Variants in DHX57 observed in about 807,000 individuals in gnomAD.
DHX57 encodes the protein DExH-box helicase 57.
DHX57 carries 105 observed loss-of-function variants against 156.2 expected under a neutral mutation model. The ratio of observed to expected loss-of-function variants is 0.67; its 90% CI spans 0.57 to 0.79. The LOEUF is 0.79. DHX57 is among the 30% of genes least tolerant of loss of function. The probability of loss-of-function intolerance (pLI) is 0.00; values close to 1 mark genes in which losing one functional copy is unlikely to be tolerated. For synonymous variants in DHX57, 704 were observed against 595.6 expected, an observed-to-expected ratio of 1.18 and a Z score of -2.65; for missense variants, 1,847 against 1,661.9, an observed-to-expected ratio of 1.11 and a Z score of -1.94.
intron 11 of DHX57, 78 bp downstream of exon 11, chr2:38,846,941 C>T (rs943721042): frequency 5.8e-5 from 75 of 1,295,136 alleles, no homozygotes; most frequent in Admixed American, 1.6e-4. Flanking sequence ...CCACCTTTGC[C>T]TTCCAAAGTG....
intron 11 of DHX57, among the ~76,000 whole-genome samples, chr2:38,845,237 A>G (rs774438297): frequency 3.3e-5 from 5 of 152,022 alleles, no homozygotes; most frequent in African/African-American, 1.2e-4. Context: ...ATATATATAT[A>G]TATTCTGGAA....
chr2:38,849,615 T>G (rs1167489571), intron 9 of DHX57, among the ~76,000 whole-genome samples: 2 of 152,158 alleles, frequency 1.3e-5, no homozygotes, highest in Admixed American at 6.5e-5. Flanking sequence ...CTCATTAGAA[T>G]TCTTACTAAC....
chr2:38,799,014 T>C (rs1013484438), intron 23 of DHX57, among the ~76,000 whole-genome samples: 3 of 151,982 alleles, frequency 2.0e-5, no homozygotes, highest in Non-Finnish European at 2.9e-5. Context: ...ATATTAAAGT[T>C]TGGTCAATTT....
chr2:38,861,267 T>G lies in DHX57; in HGVS notation c.1143A>C (p.Leu381=). The G allele has an allele frequency of 1.2e-6, 2 of 1,614,050 alleles. No homozygotes were observed. The highest frequency in any genetic ancestry group is 1.7e-6 in the Non-Finnish European group (2 of 1,180,010). The change falls in exon 5 of 24, where the codon CTA becomes CTC. Residue 381 remains leucine (L), a synonymous_variant. Coordinates refer to ENST00000457308, the MANE Select transcript of DHX57 (RefSeq NM_198963.3). ...LVAFYSTNEN[L]PLACRLHISE... ...AAATATGTAAACGACAAGCCAGAGGTAGGTTCTCATTGGTGGAATAAAATG... is the reference window on the plus strand; with the variant it reads ...AAATATGTAAACGACAAGCCAGAGGGAGGTTCTCATTGGTGGAATAAAATG...
Position 38,806,628 on chromosome 2 carries a change from T to C in DHX57, c.3747A>G (p.Ser1249=). Residue 1249 remains serine, a synonymous_variant, in exon 22 of 24, where the codon TCA becomes TCG. Coordinates refer to ENST00000457308, the MANE Select transcript of DHX57 (RefSeq NM_198963.3). ...TCTTGGTGACAAACTTCAACTCAGC[T>C]GATTTTGGTTGCATTCTGACAGCTC... ...STGAVRMQPK[S]AELKFVTKND... The C allele has an allele frequency of 6.2e-7, 1 of 1,614,190 alleles. No homozygotes were observed.
chr2:38,854,334 G>T, intron 8 of DHX57, 156 bp from the exon 9 acceptor site: 1 of 627,818 alleles, frequency 1.6e-6, no homozygotes, highest in Non-Finnish European at 2.5e-6. Flanking sequence ...TTCTTGCCAG[G>T]GACAGTAATA....
intron 20 of DHX57, among the ~76,000 whole-genome samples, chr2:38,815,285 G>C (rs1036571840): frequency 6.6e-6 from 1 of 151,460 alleles, no homozygotes; most frequent in Admixed American, 6.6e-5. Context: ...GGCTGGTCTC[G>C]AACTCCTGAG....
chr2:38,857,914 G>C (rs947287270), intron 6 of DHX57, among the ~76,000 whole-genome samples: 11 of 152,040 alleles, frequency 7.2e-5, no homozygotes, highest in Admixed American at 2.6e-4. Flanking sequence ...TATTTGTTTT[G>C]TTTTGTTTTT....
Position 38,798,356 on chromosome 2 carries a change from C to T in DHX57, c.4104G>A (p.Thr1368=), listed in dbSNP as rs373011254. 7.4e-6 allele frequency: 12 copies of T among 1,613,990 alleles called. 1 individual carries two copies. Among genetic ancestry groups the T allele is most frequent in the Admixed American group, 5.0e-5 (3 of 59,972 alleles). ...TGATGATCCGGGATCCTCGAGGACA[C>T]GTACACAGATCAATGCTTGGGTTTT... is the stretch of plus-strand genomic sequence containing the variant. ...KIKNPSIDLC[T]CPRGSRIIST... Residue 1368 remains threonine, a synonymous_variant, in exon 24 of 24, where the codon ACG becomes ACA. Transcript: ENST00000457308.
chr2:38,866,979 G>A (rs1336971865), intron 2 of DHX57: 1 of 152,232 alleles, frequency 6.6e-6, no homozygotes, highest in Non-Finnish European at 1.5e-5. Flanking sequence ...GACTCACCCA[G>A]AGCAAAATCC....
At chr2:38,866,705 C>T (rs72797386) in intron 2 of DHX57, among the ~76,000 whole-genome samples, 13,580 of 152,192 alleles carry the variant, frequency 0.089, 689 homozygotes, top group African/African-American at 0.14. Context: ...TGAACATCTA[C>T]GGACTCCAAG....
rs1231732509 is a variant in DHX57 at position 38,862,191 on chromosome 2, C to T, written c.526G>A (p.Val176Ile). Reference sequence around the variant, plus strand: ...AATGGGGAGACTGTAAATTCTGGAACATAAGGCTCCACTGAGGCTAAGCCA... The same window carrying T: ...AATGGGGAGACTGTAAATTCTGGAATATAAGGCTCCACTGAGGCTAAGCCA... Reference protein sequence around the residue: ...YAGLASVEPYVPEFTVSPFAV... With the variant: ...YAGLASVEPYIPEFTVSPFAV... Residue 176 changes from valine (V) to isoleucine (I), a missense_variant, in exon 4 of 24, where the codon GTT becomes ATT. Coordinates refer to ENST00000457308, the MANE Select transcript of DHX57 (RefSeq NM_198963.3). The T allele has an allele frequency of 2.5e-6, 4 of 1,612,812 alleles. No individual in the cohort carries two copies. The South Asian group carries it at 4.4e-5, about 18-fold the overall frequency.
At chr2:38,842,198 T>G (rs930413990) in intron 12 of DHX57, among the ~76,000 whole-genome samples, 3 of 152,138 alleles carry the variant, frequency 2.0e-5, no homozygotes, top group African/African-American at 7.2e-5. Flanking sequence ...AATTTAATCA[T>G]GGAGAAATAC....
intron 1 of DHX57, 64 bp from the exon 2 acceptor site, chr2:38,868,475 G>T: frequency 1.3e-6 from 2 of 1,509,714 alleles, no homozygotes; most frequent in East Asian, 2.3e-5. Context: ...TCCTTTGTTT[G>T]CCAAACTTAT....
chr2:38,854,039 A>G lies in DHX57; in HGVS notation c.2030+15T>C. ...TCAGGTGAGTGTGTGTTCCCTGGGA[A>G]AGTCTTTGTTTTACCTTTCTTCTGT... On this transcript the variant is annotated intron_variant, in intron 9 of 23. Transcript: ENST00000457308. 2.5e-6 allele frequency: 4 copies of G among 1,595,032 alleles called. No individual in the cohort carries two copies. Among genetic ancestry groups the G allele is most frequent in the Non-Finnish European group, 3.4e-6 (4 of 1,169,632 alleles).
chr2:38,845,865 CTTT>C (rs5830544), intron 11 of DHX57, among the ~76,000 whole-genome samples: 8 of 137,200 alleles, frequency 5.8e-5, no homozygotes, highest in Admixed American at 1.5e-4. Flanking sequence ...TAATAGCTAA[CTTT>C]TTTTTTTTTT....
intron 12 of DHX57, among the ~76,000 whole-genome samples, chr2:38,841,170 A>G (rs191187276): frequency 3.9e-5 from 6 of 152,362 alleles, no homozygotes; most frequent in Admixed American, 3.3e-4. Context: ...AGGGAATCTG[A>G]ATTATCAGTT....
intron 9 of DHX57, chr2:38,853,740 C>A (rs1672734761): frequency 1.2e-5 from 2 of 165,248 alleles, no homozygotes; most frequent in East Asian, 1.7e-4. Flanking sequence ...ATACATTCAG[C>A]CACAGCATGC....
intron 1 of DHX57, among the ~76,000 whole-genome samples, chr2:38,874,288 G>A (rs1364769167): frequency 6.6e-6 from 1 of 151,294 alleles, no homozygotes; most frequent in Admixed American, 6.6e-5. Context: ...ATGAGGTTTC[G>A]CTTTGCTGCC....
Sources: allele counts gnomAD v4.1 joint callset (sites outside exome capture counted in the v4.1 genomes callset), GRCh38; gene constraint gnomAD v4.1.1; transcripts MANE v1.5; gene names NCBI Gene and HGNC (gene_info 2026-07-23, HGNC 2026-07-21).